The following EXOC6 variants were observed in gnomAD, a reference collection of about 807,000 sequenced individuals.
EXOC6 encodes the protein exocyst complex component 6.
A neutral mutation model predicts 112.5 loss-of-function variants in EXOC6; 60 were observed. The ratio of observed to expected loss-of-function variants is 0.53; its 90% CI spans 0.43 to 0.66. EXOC6 has a LOEUF of 0.66. Ranked by LOEUF, EXOC6 falls within the 30% of genes least tolerant of loss-of-function variation. The pLI, the probability that EXOC6 is intolerant of heterozygous loss-of-function variation, is 0.00. For synonymous variants in EXOC6, 295 were observed against 308.0 expected, an observed-to-expected ratio of 0.96 and a Z score of 0.44; for missense variants, 855 against 957.1, an observed-to-expected ratio of 0.89 and a Z score of 1.41.
rs565065936 is a variant in EXOC6, at chr10:92,905,621, A to G, written c.459-3806A>G. On this transcript the variant is annotated intron_variant, in intron 5 of 21. Coordinates refer to ENST00000260762, the MANE Select transcript of EXOC6 (RefSeq NM_019053.6). ...GCTTCCATGTAGTATGATGTTGACT[A>G]GGAATGGTGAGAGGGAGCTTCTTTG... 2.5e-4 allele frequency among the ~76,000 whole-genome samples: 38 copies of G among 152,062 alleles called. No individual in the cohort carries two copies. The South Asian group carries it at 7.5e-3, about 30-fold the overall frequency.
intron 17 of EXOC6, 35 bp downstream of exon 17, chr10:92,955,749 G>A: frequency 6.3e-7 from 1 of 1,592,140 alleles, no homozygotes; most frequent in African/African-American, 1.4e-5. Flanking sequence ...TTTCATTTCA[G>A]TCACTGTAAG....
intron 18 of EXOC6, among the ~76,000 whole-genome samples, chr10:92,992,637 CAG>C (rs930018066): frequency 6.6e-6 from 1 of 151,956 alleles, no homozygotes; most frequent in Non-Finnish European, 1.5e-5. Flanking sequence ...GGAAGAGTAA[CAG>C]ATTTCTTGAA....
chr10:92,934,485 C>G, intron 11 of EXOC6, 55 bp downstream of exon 11: 1 of 1,441,792 alleles, frequency 6.9e-7, no homozygotes. Flanking sequence ...TCAAGAACTT[C>G]TGAGCTGCAT....
rs199603453 is a variant in EXOC6, at chr10:92,896,121, G to A, written c.412+1101G>A. Among the ~76,000 whole-genome samples, 63 of 11,432 alleles carry A rather than the reference G, an allele frequency of 5.5e-3. 4 individuals carry two copies. The East Asian group carries it at 0.13, about 24-fold the overall frequency. 7.5% of individuals were successfully genotyped at this position (11,432 alleles called of 152,430 possible). A position where few individuals can be genotyped will look rare whatever the true frequency, so the allele number is the denominator to read the frequency against. ...TGTGTATATATATGTGTATATATATGTGTGTGTGTGTGTGTGTATGTATGT... is the reference window on the plus strand; with the variant it reads ...TGTGTATATATATGTGTATATATATATGTGTGTGTGTGTGTGTATGTATGT... On this transcript the variant is annotated intron_variant, in intron 4 of 21. Coordinates refer to ENST00000260762, the MANE Select transcript of EXOC6 (RefSeq NM_019053.6).
intron 20 of EXOC6, among the ~76,000 whole-genome samples, chr10:93,038,002 T>TGCACTCCA (rs1178003461): frequency 7.5e-6 from 1 of 132,486 alleles, no homozygotes; most frequent in African/African-American, 2.9e-5. Context: ...ATCGCGCCAC[T>TGCACTCCA]GCACTCCAGC....
In EXOC6 at chr10:92,876,768, A is replaced by G. The variant is rs536780418; in HGVS notation, c.102-16581A>G. On this transcript the variant is annotated intron_variant, in intron 1 of 21. Transcript: ENST00000260762. Reference sequence around the variant, plus strand: ...AGTAGCTTAAGTGAGACCAATCTCCAGTTCATTTTCCTTAGGAGATAGGGG... The same window carrying G: ...AGTAGCTTAAGTGAGACCAATCTCCGGTTCATTTTCCTTAGGAGATAGGGG... Among the ~76,000 whole-genome samples the G allele has an allele frequency of 5.9e-5, 9 of 152,254 alleles. No homozygotes were observed. In the South Asian group the frequency reaches 1.9e-3, roughly 32 times the overall value.
intron 11 of EXOC6, among the ~76,000 whole-genome samples, chr10:92,934,876 A>G (rs1434042527): frequency 1.3e-5 from 2 of 152,118 alleles, no homozygotes; most frequent in African/African-American, 4.8e-5. Flanking sequence ...AATTTGAAAT[A>G]TTGAACCTTT....
intron 14 of EXOC6, among the ~76,000 whole-genome samples, chr10:92,949,089 G>A (rs1853231276): frequency 2.6e-5 from 4 of 152,094 alleles, no homozygotes; most frequent in Admixed American, 2.6e-4. Flanking sequence ...AGAAAAGGAT[G>A]TCATTTTAAC....
intron 20 of EXOC6, among the ~76,000 whole-genome samples, chr10:93,049,463 T>G (rs1356031989): frequency 6.6e-6 from 1 of 152,202 alleles, no homozygotes; most frequent in Non-Finnish European, 1.5e-5. Flanking sequence ...TATTTGTCAA[T>G]AAAAAGGAAT....
intron 13 of EXOC6, among the ~76,000 whole-genome samples, chr10:92,942,629 C>G (rs532945137): frequency 2.6e-5 from 4 of 152,042 alleles, no homozygotes; most frequent in African/African-American, 9.7e-5. Flanking sequence ...AGATGGTAAT[C>G]TAGAACATAT....
intron 10 of EXOC6, 39 bp from the exon 11 acceptor site, chr10:92,934,268 GTTT>G: frequency 1.7e-6 from 2 of 1,175,540 alleles, no homozygotes; most frequent in Non-Finnish European, 2.3e-6. Flanking sequence ...TTCTATTAGG[GTTT>G]TTTTTTTTAA....
intron 19 of EXOC6, among the ~76,000 whole-genome samples, chr10:93,011,646 A>G (rs1040107935): frequency 6.6e-6 from 1 of 152,204 alleles, no homozygotes; most frequent in African/African-American, 2.4e-5. Context: ...ACATAAAATA[A>G]TGTATTTTAC....
chr10:92,978,027 A>G (rs1427344288), intron 18 of EXOC6, among the ~76,000 whole-genome samples: 3 of 152,224 alleles, frequency 2.0e-5, no homozygotes, highest in African/African-American at 7.2e-5. Context: ...TTTTTCTATA[A>G]AGGAAATAAA....
intron 6 of EXOC6, among the ~76,000 whole-genome samples, chr10:92,912,920 C>A (rs1447417214): frequency 6.6e-6 from 1 of 152,170 alleles, no homozygotes; most frequent in African/African-American, 2.4e-5. Context: ...GCATTCCATT[C>A]CCAGAGCTAT....
intron 1 of EXOC6, among the ~76,000 whole-genome samples, chr10:92,856,484 T>A (rs1275197801): frequency 6.6e-6 from 1 of 152,166 alleles, no homozygotes; most frequent in Non-Finnish European, 1.5e-5. Flanking sequence ...AATTTCAACA[T>A]ATTTGTGAAT....
In EXOC6 at chr10:92,998,628, CCACACACACACA is replaced by C. The variant is rs55823754; in HGVS notation, c.2095+1039_2095+1050del. Among the ~76,000 whole-genome samples the C allele has an allele frequency of 2.9e-3, 415 of 141,440 alleles. 2 individuals carry two copies. The highest frequency in any genetic ancestry group is 0.01 in the African/African-American group (392 of 38,702). 92.8% of individuals were successfully genotyped at this position (141,440 alleles called of 152,430 possible). On this transcript the variant is annotated intron_variant, in intron 19 of 21. Coordinates refer to ENST00000260762, the MANE Select transcript of EXOC6 (RefSeq NM_019053.6). ...GACAAGATCAATTGTCTGTTGCACA[CCACACACACACA>C]CACACACACACACACACACACACAC...
chr10:92,924,751 G>A (rs938576198), intron 8 of EXOC6, among the ~76,000 whole-genome samples: 3 of 152,106 alleles, frequency 2.0e-5, no homozygotes, highest in Non-Finnish European at 4.4e-5. Context: ...GTATAGTAAT[G>A]AAGTCTAGGC....
intron 17 of EXOC6, among the ~76,000 whole-genome samples, chr10:92,967,732 C>T (rs1048776444): frequency 3.9e-5 from 6 of 151,998 alleles, no homozygotes; most frequent in Non-Finnish European, 8.8e-5. Context: ...GGAAATGCAG[C>T]GAAAGATAGG....
chr10:92,988,793 CAA>C, intron 18 of EXOC6, among the ~76,000 whole-genome samples: 1 of 130,644 alleles, frequency 7.7e-6, no homozygotes, highest in Non-Finnish European at 1.6e-5. Context: ...CCCATCTCTA[CAA>C]AAAATACACA....
Sources: gnomAD v4.1 joint callset for allele counts (sites outside exome capture counted in the v4.1 genomes callset) on GRCh38, gnomAD v4.1.1 for gene constraint, MANE v1.5 for transcripts, NCBI Gene and HGNC (gene_info 2026-07-23, HGNC 2026-07-21) for gene names.